Variants in CANX observed in about 807,000 individuals in gnomAD.
The protein encoded by CANX is calnexin.
CANX carries 14 observed loss-of-function variants against 75.7 expected under a neutral mutation model. The observed-to-expected ratio is 0.19, with a 90% CI of 0.12 to 0.29. CANX has a LOEUF of 0.29. CANX is among the 10% of genes least tolerant of loss of function. CANX has a pLI of 1.00. For missense variants in CANX, 567 were observed against 713.2 expected, an observed-to-expected ratio of 0.79 and a Z score of 2.34; for synonymous variants, 227 against 236.9, an observed-to-expected ratio of 0.96 and a Z score of 0.38.
In CANX at chr5:179,728,943, T is replaced by A; in HGVS notation, c.*299T>A. The A allele has an allele frequency of 5.0e-6, 2 of 398,530 alleles. No individual in the cohort carries two copies. Among genetic ancestry groups the A allele is most frequent in the East Asian group, 5.9e-5 (1 of 16,898 alleles). 24.7% of individuals were successfully genotyped at this position (398,530 alleles called of 1,614,324 possible). ...TAACATCTTTGTTTTTAAAATAGAA[T>A]GATAGAACTTTGCCAGTCTTTAAGA... is the stretch of plus-strand genomic sequence containing the variant. On this transcript the variant is annotated 3_prime_UTR_variant, in exon 15 of 15. Transcript: ENST00000247461.
chr5:179,693,306 G>A (rs888798675), intron 1 of CANX, among the ~76,000 whole-genome samples: 25 of 152,238 alleles, frequency 1.6e-4, no homozygotes, highest in African/African-American at 6.0e-4. Flanking sequence ...TTGGAAGGCT[G>A]AGGCAGGGAG....
intron 1 of CANX, among the ~76,000 whole-genome samples, chr5:179,685,715 C>T (rs1346610442): frequency 1.5e-5 from 2 of 132,822 alleles, no homozygotes; most frequent in African/African-American, 5.0e-5. Flanking sequence ...CCACCACGCC[C>T]AGCTAATTTT....
chr5:179,694,379 A>C, upstream of CANX: 1 of 601,042 alleles, frequency 1.7e-6, no homozygotes, highest in South Asian at 2.3e-5. Context: ...ATGAAATGGC[A>C]AAGACGGATA....
rs774623024 is a variant in CANX, at chr5:179,726,695, G to A, written c.1661G>A (p.Ser554Asn). The A allele has an allele frequency of 1.2e-6, 2 of 1,613,378 alleles. No individual in the cohort carries two copies. The highest frequency in any genetic ancestry group is 2.2e-5 in the East Asian group (1 of 44,870). ...GEEKLEEKQK[S>N]DAEEDGGTVS... ...TCTGTCTTAGAAGAGAAACAGAAAA[G>A]TGATGCTGAAGAAGATGGTGGCACT... Residue 554 changes from serine (S) to asparagine (N), a missense_variant, in exon 14 of 15, where the codon AGT (serine) becomes AAT (asparagine). Coordinates refer to ENST00000247461, the MANE Select transcript of CANX (RefSeq NM_001746.4).
chr5:179,705,993 A>C, intron 2 of CANX, 141 bp downstream of exon 2: 1 of 665,926 alleles, frequency 1.5e-6, no homozygotes, highest in Non-Finnish European at 2.6e-6. Context: ...CAACACAGGG[A>C]GATATCATCT....
At chr5:179,695,869 A>G (rs187270272), upstream of CANX, among the ~76,000 whole-genome samples, 191 of 143,388 alleles carry the variant, frequency 1.3e-3, 1 homozygote, top group African/African-American at 4.7e-3. Context: ...CGATCTCCTG[A>G]CCTCATGATC....
intron 1 of CANX, chr5:179,679,284 G>A: frequency 2.7e-6 from 4 of 1,505,498 alleles, no homozygotes; most frequent in East Asian, 2.5e-5. Context: ...CAAGAGTCCG[G>A]GTGAGCAGCG....
In CANX at chr5:179,709,184, G is replaced by A; in HGVS notation, c.528+125G>A. The A allele has an allele frequency of 9.6e-6, 6 of 626,498 alleles. No individual in the cohort carries two copies. The South Asian group carries it at 1.0e-4, about 11-fold the overall frequency. The allele number at this position is 626,498 out of a possible 1,614,324, so 38.8% of individuals were successfully genotyped here. On this transcript the variant is annotated intron_variant, in intron 6 of 14. Coordinates refer to ENST00000247461, the MANE Select transcript of CANX (RefSeq NM_001746.4). ...AGCTCCCAGCACTTTGGGAAGCCAA[G>A]GCAGGCGGATCACGAGGTCAGGAGA...
chr5:179,682,463 C>G (rs1450028315), intron 1 of CANX, among the ~76,000 whole-genome samples: 1 of 152,050 alleles, frequency 6.6e-6, no homozygotes, highest in Non-Finnish European at 1.5e-5. Flanking sequence ...GTAATCCCAG[C>G]ACCTTGGGAG....
At position 179,721,883 on chromosome 5, in the gene CANX, G is replaced by A. The variant is rs148202027; in HGVS notation, c.1183-921G>A. Reference sequence around the variant, plus strand: ...TGATACTGTGAAAACATTTCAGCAGGATCTTGGCATAGTATATGTATATAT... The same window carrying A: ...TGATACTGTGAAAACATTTCAGCAGAATCTTGGCATAGTATATGTATATAT... On this transcript the variant is annotated intron_variant, in intron 10 of 14. Coordinates refer to ENST00000247461, the MANE Select transcript of CANX (RefSeq NM_001746.4). 5.1e-3 allele frequency among the ~76,000 whole-genome samples: 768 copies of A among 152,020 alleles called. 4 individuals are homozygous for A. The highest frequency in any genetic ancestry group is 7.3e-3 in the Non-Finnish European group (499 of 67,980).
upstream of CANX, chr5:179,698,397 C>T: frequency 2.5e-6 from 3 of 1,221,318 alleles, no homozygotes; most frequent in South Asian, 1.4e-5. Context: ...ACTGCGGCGC[C>T]GGCTCACACA....
chr5:179,686,139 C>G (rs1383020822), intron 1 of CANX, among the ~76,000 whole-genome samples: 1 of 132,370 alleles, frequency 7.6e-6, no homozygotes, highest in Non-Finnish European at 1.6e-5. Flanking sequence ...CGCTCTGTCA[C>G]CAGGCTGGAG....
chr5:179,700,703 GT>G (rs1361527616), intron 1 of CANX, among the ~76,000 whole-genome samples: 3 of 152,168 alleles, frequency 2.0e-5, no homozygotes, highest in African/African-American at 7.2e-5. Context: ...AGGGATAAGT[GT>G]TTTGACAGAA....
intron 1 of CANX, chr5:179,679,015 G>A (rs1356732303): frequency 5.9e-6 from 9 of 1,535,602 alleles, no homozygotes; most frequent in Non-Finnish European, 7.9e-6. Context: ...TGGACAGGGA[G>A]GGCATGCGGC....
In CANX at chr5:179,699,029, T is replaced by C; in HGVS notation, c.-77T>C. ...CGGTCGGGCCGCCTCCGCCTCTCTC[T>C]TTACTGCGGCGCGGGGCAAGGTGTG... On this transcript the variant is annotated 5_prime_UTR_variant, in exon 1 of 15. Coordinates refer to ENST00000247461, the MANE Select transcript of CANX (RefSeq NM_001746.4). 1 of 1,107,504 alleles carries C rather than the reference T, an allele frequency of 9.0e-7. No homozygotes were observed. The highest frequency in any genetic ancestry group is 1.9e-5 in the South Asian group (1 of 52,092). The allele number at this position is 1,107,504 out of a possible 1,614,324, so 68.6% of individuals were successfully genotyped here. A position where few individuals can be genotyped will look rare whatever the true frequency, so the allele number is the denominator to read the frequency against.
chr5:179,726,317 G>A (rs148834359), intron 13 of CANX, among the ~76,000 whole-genome samples: 7,181 of 151,892 alleles, frequency 0.047, 225 homozygotes, highest in Non-Finnish European at 0.068. Context: ...GATGGCTCAC[G>A]CCTGTAATCC....
At chr5:179,679,213 T>C in intron 1 of CANX, 1 of 1,534,030 alleles carries the variant, frequency 6.5e-7, no homozygotes, top group Non-Finnish European at 8.7e-7. Flanking sequence ...TGCTGCGCTC[T>C]TGTCTCGGGA....
rs1355325533 is a variant in CANX, at chr5:179,722,483, G to A, written c.1183-321G>A. 3.9e-5 allele frequency among the ~76,000 whole-genome samples: 6 copies of A among 152,142 alleles called. No individual in the cohort carries two copies. In the South Asian group the frequency reaches 1.0e-3, roughly 26 times the overall value. ...TTTTAAATCACCACTGAAGAAGTAC[G>A]TACTGACTTATGCTCCCACTCTCAT... On this transcript the variant is annotated intron_variant, in intron 10 of 14. Coordinates refer to ENST00000247461, the MANE Select transcript of CANX (RefSeq NM_001746.4).
At chr5:179,702,478 A>G (rs1776840417) in intron 1 of CANX, among the ~76,000 whole-genome samples, 1 of 149,306 alleles carries the variant, frequency 6.7e-6, no homozygotes, top group Non-Finnish European at 1.5e-5. Flanking sequence ...TTTACTTACC[A>G]TATTGTCTTC....
Sources: allele counts gnomAD v4.1 joint callset (sites outside exome capture counted in the v4.1 genomes callset), GRCh38; gene constraint gnomAD v4.1.1; transcripts MANE v1.5; gene names NCBI Gene and HGNC (gene_info 2026-07-23, HGNC 2026-07-21).